Variants in CACNB1 observed in about 807,000 individuals in gnomAD.
The protein encoded by CACNB1 is calcium voltage-gated channel auxiliary subunit beta 1.
CACNB1 carries 29 observed loss-of-function variants against 71.6 expected under a neutral mutation model. The observed-to-expected ratio is 0.40, with a 90% CI of 0.30 to 0.55. CACNB1 has a LOEUF of 0.55. Ranked by LOEUF, CACNB1 falls within the 20% of genes least tolerant of loss-of-function variation. The pLI is 0.38. For missense variants in CACNB1, 623 were observed against 801.8 expected (o/e 0.78, Z 2.69); for synonymous variants, 300 against 319.6 (o/e 0.94, Z 0.65).
At chr17:39,195,138 C>A in intron 1 of CACNB1, 168 bp from the exon 2 acceptor site, 1 of 573,880 alleles carries the variant, frequency 1.7e-6, no homozygotes, top group Non-Finnish European at 3.1e-6. Flanking sequence ...GAGGGAGGGT[C>A]TCCCATCCTC....
intron 11 of CACNB1, among the ~76,000 whole-genome samples, chr17:39,179,572 C>G (rs1392551561): frequency 1.4e-5 from 2 of 142,990 alleles, no homozygotes; most frequent in Middle Eastern, 3.6e-3. Flanking sequence ...GAGTGAGACT[C>G]TGTCTCAAAA....
At chr17:39,178,290 T>C in intron 11 of CACNB1, 1 of 464,378 alleles carries the variant, frequency 2.2e-6, no homozygotes, top group Non-Finnish European at 3.9e-6. Context: ...CCTGGTGTTA[T>C]GCCAGCCTTC....
At position 39,184,144 on chromosome 17, in the gene CACNB1, G is replaced by C. The variant is rs1217086155; in HGVS notation, c.789-4C>G. Reference sequence around the variant, plus strand: ...CGTCACACGAGTGATGGAGATCCTGGGGAATGGGGCAAGAGGGGAGTCAGG... The same window carrying C: ...CGTCACACGAGTGATGGAGATCCTGCGGAATGGGGCAAGAGGGGAGTCAGG... On this transcript the variant is annotated splice_region_variant and splice_polypyrimidine_tract_variant and intron_variant, in intron 9 of 13. Transcript: ENST00000394303. 6.3e-7 allele frequency: 1 copy of C among 1,598,276 alleles called. No homozygotes were observed. The highest frequency in any genetic ancestry group is 1.3e-5 in the African/African-American group (1 of 74,568).
At chr17:39,189,379 A>AAATAAT (rs778215318) in intron 3 of CACNB1, among the ~76,000 whole-genome samples, 23 of 151,224 alleles carry the variant, frequency 1.5e-4, no homozygotes, top group South Asian at 4.2e-4. Context: ...AAATAAAATA[A>AAATAAT]AATAATAATA....
intron 10 of CACNB1, 37 bp downstream of exon 10, chr17:39,183,994 C>T (rs776918261): frequency 1.7e-5 from 27 of 1,566,422 alleles, no homozygotes; most frequent in Middle Eastern, 1.7e-4. Context: ...ACATCCGGCC[C>T]AGAAAGGGGG....
In CACNB1 at chr17:39,175,321, C is replaced by G. The variant is rs1265888350; in HGVS notation, c.1669G>C (p.Glu557Gln). ...SWEDEEEDYEEELTDNRNRGR... is the reference protein window; with the variant it reads ...SWEDEEEDYEQELTDNRNRGR... ...CGGTTCCGGTTGTCGGTCAGCTCTT[C>G]CTCATAGTCTTCTTCCTCGTCCTCC... Residue 557 changes from glutamate to glutamine, a missense_variant, in exon 14 of 14, where the codon GAA becomes CAA. Coordinates refer to ENST00000394303, the MANE Select transcript of CACNB1 (RefSeq NM_000723.5). The surrounding 1 kb of genome is among the most constrained non-coding windows in gnomAD (Gnocchi z 4.7). 1.2e-6 allele frequency: 2 copies of G among 1,614,062 alleles called. No individual in the cohort carries two copies.
intron 13 of CACNB1, 120 bp downstream of exon 13, chr17:39,177,230 C>T (rs749716303): frequency 2.2e-5 from 34 of 1,562,962 alleles, no homozygotes; most frequent in Admixed American, 5.4e-5. Context: ...GGAGGGAAGA[C>T]GGGCAGGGCG....
chr17:39,185,565 C>CA (rs1567802714), intron 6 of CACNB1, among the ~76,000 whole-genome samples: 1 of 152,016 alleles, frequency 6.6e-6, no homozygotes, highest in African/African-American at 2.4e-5. Context: ...AGCCCCCCCC[C>CA]ACTATGTGCC....
chr17:39,178,795 C>G (rs1439069692), intron 11 of CACNB1, among the ~76,000 whole-genome samples: 1 of 152,172 alleles, frequency 6.6e-6, no homozygotes, highest in Non-Finnish European at 1.5e-5. Flanking sequence ...TGACAACAAT[C>G]CTGTTAGATA....
Position 39,185,158 on chromosome 17 carries a change from C to T in CACNB1, c.629-8G>A. 6.2e-7 allele frequency: 1 copy of T among 1,613,164 alleles called. No homozygotes were observed. The highest frequency in any genetic ancestry group is 8.5e-7 in the Non-Finnish European group (1 of 1,179,322). ...ACTTCTGCTTCTGTTTGGCTGGGTC[C>T]AGAGATTGCCAAGAGAGGGAAGGGG... On this transcript the variant is annotated splice_polypyrimidine_tract_variant and splice_region_variant and intron_variant, in intron 6 of 13. Coordinates refer to ENST00000394303, the MANE Select transcript of CACNB1 (RefSeq NM_000723.5).
At chr17:39,195,185 C>A in intron 1 of CACNB1, 1 of 533,334 alleles carries the variant, frequency 1.9e-6, no homozygotes, top group Non-Finnish European at 3.3e-6. Flanking sequence ...GAGTGGGGAC[C>A]AGTGCAAGAG....
rs1209583131 is a variant in CACNB1 at position 39,186,194 on chromosome 17, G to T, written c.628+302C>A. The T allele has an allele frequency of 6.7e-6, 7 of 1,041,296 alleles. No individual in the cohort carries two copies. The East Asian group carries it at 1.7e-4, about 25-fold the overall frequency. 64.5% of individuals were successfully genotyped at this position (1,041,296 alleles called of 1,614,324 possible). On this transcript the variant is annotated intron_variant, in intron 6 of 13. Coordinates refer to ENST00000394303, the MANE Select transcript of CACNB1 (RefSeq NM_000723.5). The surrounding 1 kb of genome is among the most constrained non-coding windows in gnomAD (Gnocchi z 4.1). Reference sequence around the variant, plus strand: ...GTGGAGACACAAGTACAGAACGCAGGGATGGGGATGGGGAAAAAAGAAAGA... The same window carrying T: ...GTGGAGACACAAGTACAGAACGCAGTGATGGGGATGGGGAAAAAAGAAAGA...
chr17:39,177,126 C>A, intron 13 of CACNB1: 1 of 1,429,100 alleles, frequency 7.0e-7, no homozygotes, highest in Non-Finnish European at 9.1e-7. Context: ...AAACCACAGA[C>A]ACCAGAAGCT....
At chr17:39,184,720 C>T (rs759330245) in intron 8 of CACNB1, 64 bp downstream of exon 8, 13 of 1,160,264 alleles carry the variant, frequency 1.1e-5, no homozygotes, top group Admixed American at 1.7e-5. Flanking sequence ...TCTAGGGGAT[C>T]TCTCTGGGGT....
At chr17:39,185,848 G>T in intron 6 of CACNB1, 1 of 1,321,642 alleles carries the variant, frequency 7.6e-7, no homozygotes. Context: ...GATGCCCACA[G>T]AACAGGTTGG....
Position 39,175,326 on chromosome 17 carries a change from T to C in CACNB1, c.1664A>G (p.Tyr555Cys). The C allele has an allele frequency of 1.2e-6, 2 of 1,614,110 alleles. No individual in the cohort carries two copies. The highest frequency in any genetic ancestry group is 1.7e-5 in the Admixed American group (1 of 60,028). Residue 555 changes from tyrosine (Y) to cysteine (C), a missense_variant, in exon 14 of 14, where the codon TAT becomes TGT. Coordinates refer to ENST00000394303, the MANE Select transcript of CACNB1 (RefSeq NM_000723.5). This position sits in a 1 kb window ranked among gnomAD's most constrained non-coding sequence, Gnocchi z 4.7. ...CCGGTTGTCGGTCAGCTCTTCCTCA[T>C]AGTCTTCTTCCTCGTCCTCCCAGGA... The part of the protein sequence containing the change: ...QGSWEDEEED[Y>C]EEELTDNRNR...
chr17:39,195,536 C>A (rs2046186228), intron 1 of CACNB1, among the ~76,000 whole-genome samples: 1 of 152,144 alleles, frequency 6.6e-6, no homozygotes. Context: ...GATGACAGCT[C>A]TCTTGGAGAC....
Position 39,174,334 on chromosome 17 carries a change from GAGC to G in CACNB1, c.*856_*858del, listed in dbSNP as rs1223625748. On this transcript the variant is annotated 3_prime_UTR_variant, in exon 14 of 14. Transcript: ENST00000394303. ...CTGGGGCCTCAGGGTGAGGGTGAAG[GAGC>G]AGTTTTTTGGTTTAAAATGAGGCGG... 6.5e-6 allele frequency: 1 copy of G among 152,708 alleles called. No individual in the cohort carries two copies. The highest frequency in any genetic ancestry group is 1.5e-5 in the Non-Finnish European group (1 of 68,120). 9.5% of individuals were successfully genotyped at this position (152,708 alleles called of 1,614,324 possible). A position where few individuals can be genotyped will look rare whatever the true frequency, so the allele number is the denominator to read the frequency against.
At position 39,177,537 on chromosome 17, in the gene CACNB1, T is replaced by C. The variant is rs113530680; in HGVS notation, c.1147-2A>G. On this transcript the variant is annotated splice_acceptor_variant, in intron 12 of 13. Coordinates refer to ENST00000394303, the MANE Select transcript of CACNB1 (RefSeq NM_000723.5). LOFTEE classifies it high-confidence loss of function. ...ATCCAGGATGATGTCAAACATTTCC[T>C]GTGAAGGCGGGGTTAGGGGGCAGGG... 1.3e-6 allele frequency: 2 copies of C among 1,577,766 alleles called. No homozygotes were observed. Among genetic ancestry groups the C allele is most frequent in the Non-Finnish European group, 1.7e-6 (2 of 1,158,502 alleles).
Sources: gnomAD v4.1 joint callset for allele counts (sites outside exome capture counted in the v4.1 genomes callset) on GRCh38, gnomAD v4.1.1 for gene constraint, Gnocchi (gnomAD v3.1) non-coding constraint, MANE v1.5 for transcripts, NCBI Gene and HGNC (gene_info 2026-07-23, HGNC 2026-07-21) for gene names.